The following MEGF11 variants were observed in gnomAD, a reference collection of about 807,000 sequenced individuals.
The protein encoded by MEGF11 is multiple epidermal growth factor-like domains protein 11.
In MEGF11, 126 loss-of-function variants were observed where a neutral mutation model predicts 146.6. The ratio of observed to expected loss-of-function variants is 0.86; its 90% CI spans 0.74 to 1.00. The LOEUF (loss-of-function observed/expected upper bound fraction) is 1.00. MEGF11 is among the 50% of genes least tolerant of loss of function. The pLI is 0.00. For synonymous variants in MEGF11, 532 were observed against 583.4 expected (o/e 0.91, Z 1.27); for missense variants, 1,509 against 1,521.2 (o/e 0.99, Z 0.13).
chr15:65,902,304 A>C (rs1331653825), intron 24 of MEGF11: 1 of 152,352 alleles, frequency 6.6e-6, no homozygotes, highest in East Asian at 1.9e-4. Flanking sequence ...AATGGATAAA[A>C]GAGAAGTTGA....
intron 5 of MEGF11, among the ~76,000 whole-genome samples, chr15:66,000,136 G>C (rs938427182): frequency 5.3e-5 from 8 of 152,230 alleles, no homozygotes; most frequent in African/African-American, 1.9e-4. Flanking sequence ...GGCAGCTTAG[G>C]TGTTGGGTGC....
intron 5 of MEGF11, among the ~76,000 whole-genome samples, chr15:66,086,082 G>A (rs761986019): frequency 6.6e-6 from 1 of 151,840 alleles, no homozygotes; most frequent in Non-Finnish European, 1.5e-5. Flanking sequence ...CGAAGACAAG[G>A]TCTTTGAATT....
intron 1 of MEGF11, among the ~76,000 whole-genome samples, chr15:66,162,074 G>T (rs573761910): frequency 8.5e-5 from 13 of 152,274 alleles, no homozygotes; most frequent in African/African-American, 3.1e-4. Context: ...TGACACACTT[G>T]CTGCCAGCAA....
At chr15:65,967,576 A>G (rs934539007) in intron 8 of MEGF11, among the ~76,000 whole-genome samples, 2 of 152,160 alleles carry the variant, frequency 1.3e-5, no homozygotes, top group African/African-American at 4.8e-5. Flanking sequence ...GTGAGTGGTC[A>G]GACCCTCGTG....
At chr15:65,918,568 G>A (rs374248319) in intron 15 of MEGF11, among the ~76,000 whole-genome samples, 2 of 152,214 alleles carry the variant, frequency 1.3e-5, no homozygotes, top group East Asian at 1.9e-4. Flanking sequence ...GCCTGCCTGC[G>A]GTTTGACTGT....
At chr15:66,056,222 C>T (rs1030082875) in intron 5 of MEGF11, among the ~76,000 whole-genome samples, 5 of 151,228 alleles carry the variant, frequency 3.3e-5, no homozygotes, top group Non-Finnish European at 7.4e-5. Context: ...AGCATCTGAC[C>T]CATTTGATTT....
At chr15:65,950,606 CACACACACACACA>C (rs1477471341) in intron 10 of MEGF11, among the ~76,000 whole-genome samples, 1 of 149,156 alleles carries the variant, frequency 6.7e-6, no homozygotes, top group Admixed American at 6.6e-5. Context: ...CACACACACA[CACACACACACACA>C]CACACACAAA....
intron 7 of MEGF11, 45 bp from the exon 8 acceptor site, chr15:65,970,734 G>GCCAAA (rs745867672): frequency 6.4e-7 from 1 of 1,567,942 alleles, no homozygotes; most frequent in African/African-American, 1.4e-5. Flanking sequence ...CTCCAGAAAT[G>GCCAAA]CCAAACTTTC....
At chr15:66,240,436 C>T (rs1442608346) in intron 1 of MEGF11, among the ~76,000 whole-genome samples, 1 of 152,214 alleles carries the variant, frequency 6.6e-6, no homozygotes, top group Non-Finnish European at 1.5e-5. Context: ...AGGCCTGTTG[C>T]CTGTCACGCG....
At chr15:65,964,462 C>G (rs1269714427) in intron 9 of MEGF11, among the ~76,000 whole-genome samples, 2 of 152,184 alleles carry the variant, frequency 1.3e-5, no homozygotes, top group African/African-American at 2.4e-5. Flanking sequence ...GCTCAAGCCT[C>G]TACTTCTGCC....
rs147354412 is a variant in MEGF11 at position 66,071,229 on chromosome 15, G to T, written c.394+23173C>A. Among the ~76,000 whole-genome samples, 7 of 152,286 alleles carry T rather than the reference G, an allele frequency of 4.6e-5. No homozygotes were observed. In the East Asian group the frequency reaches 1.3e-3, roughly 29 times the overall value. On this transcript the variant is annotated intron_variant, in intron 5 of 25. Transcript: ENST00000395614. Reference sequence around the variant, plus strand: ...TGTTCAGGCCCTGATGACTATGCCTGTCTCTCTCTCCTAGACTCTACGTTC... The same window carrying T: ...TGTTCAGGCCCTGATGACTATGCCTTTCTCTCTCTCCTAGACTCTACGTTC...
chr15:66,010,127 C>T (rs1327352095), intron 5 of MEGF11, among the ~76,000 whole-genome samples: 1 of 148,894 alleles, frequency 6.7e-6, no homozygotes, highest in East Asian at 2.0e-4. Flanking sequence ...TGTCTTGGGC[C>T]ACACATAAAA....
chr15:66,000,685 CA>C (rs2082341019), intron 5 of MEGF11, among the ~76,000 whole-genome samples: 1 of 152,202 alleles, frequency 6.6e-6, no homozygotes, highest in African/African-American at 2.4e-5. Context: ...CAGCAAACTC[CA>C]TACAGGAAAT....
chr15:65,929,987 T>C, intron 11 of MEGF11, 104 bp from the exon 12 acceptor site: 6 of 1,131,090 alleles, frequency 5.3e-6, no homozygotes, highest in Non-Finnish European at 3.7e-6. Context: ...AAACCACTGC[T>C]TTCCTGAGGG....
chr15:65,988,006 G>GTATT (rs2081923572), intron 5 of MEGF11, among the ~76,000 whole-genome samples: 1 of 99,178 alleles, frequency 1.0e-5, no homozygotes, highest in Non-Finnish European at 2.1e-5. Flanking sequence ...ACAGTACCCG[G>GTATT]TCTTTTTTTT....
chr15:66,224,803 A>T (rs934566139), intron 1 of MEGF11, among the ~76,000 whole-genome samples: 7 of 151,024 alleles, frequency 4.6e-5, no homozygotes. Flanking sequence ...TCCAAGGATT[A>T]GCTGTAATAT....
intron 5 of MEGF11, among the ~76,000 whole-genome samples, chr15:66,029,194 T>A (rs963423137): frequency 6.6e-6 from 1 of 151,902 alleles, no homozygotes; most frequent in African/African-American, 2.4e-5. Flanking sequence ...TTCTGGGTAC[T>A]TTTGGGGAGA....
At chr15:66,094,806 C>T (rs2086470755) in intron 4 of MEGF11, among the ~76,000 whole-genome samples, 1 of 152,186 alleles carries the variant, frequency 6.6e-6, no homozygotes, top group Non-Finnish European at 1.5e-5. Context: ...CGCCGCAAAC[C>T]TCAGCTCCTA....
intron 1 of MEGF11, among the ~76,000 whole-genome samples, chr15:66,243,643 A>G (rs867039040): frequency 2.0e-5 from 3 of 152,304 alleles, no homozygotes; most frequent in South Asian, 2.1e-4. Flanking sequence ...CTGGCATGCC[A>G]TTTATTTGCA....
Sources: gnomAD v4.1 joint callset for allele counts (sites outside exome capture counted in the v4.1 genomes callset) on GRCh38, gnomAD v4.1.1 for gene constraint, MANE v1.5 for transcripts, NCBI Gene and HGNC (gene_info 2026-07-23, HGNC 2026-07-21) for gene names.